TMEM65: variants seen among roughly 807,000 people sequenced by gnomAD.
The protein encoded by TMEM65 is transmembrane protein 65.
In TMEM65, 22 loss-of-function variants were observed where a neutral mutation model predicts 25.4. The ratio of observed to expected loss-of-function variants is 0.86; its 90% confidence interval spans 0.62 to 1.23. TMEM65 has a LOEUF of 1.23. Ranked by LOEUF, TMEM65 falls within the 50% of genes most tolerant of loss-of-function variation. The pLI, the probability that TMEM65 is intolerant of heterozygous loss-of-function variation, is 0.00. For synonymous variants in TMEM65, 132 were observed against 126.2 expected, an observed-to-expected ratio of 1.05 and a Z score of -0.31; for missense variants, 262 against 308.2, an observed-to-expected ratio of 0.85 and a Z score of 1.12.
chr8:124,372,064 A>C lies in TMEM65; in HGVS notation c.94T>G (p.Cys32Gly). The change falls in exon 1 of 7, where the codon TGC becomes GGC. Residue 32 changes from cysteine (C) to glycine (G), a missense_variant. Transcript: ENST00000297632. ...AAAAPRPPSW[C>G]CCGRGLLALA... ...GCCAGCAGCCCCCGCCCGCAGCAGC[A>C]CCAGGACGGCGGGCGGGGCGCGGCG... 10 of 1,165,338 alleles carry C rather than the reference A, an allele frequency of 8.6e-6. No individual in the cohort carries two copies. The highest frequency in any genetic ancestry group is 1.1e-5 in the Non-Finnish European group (10 of 947,040). 72.2% of individuals were successfully genotyped at this position (1,165,338 alleles called of 1,614,324 possible).
chr8:124,318,287 T>C (rs1417131774), intron 6 of TMEM65, among the ~76,000 whole-genome samples: 1 of 151,808 alleles, frequency 6.6e-6, no homozygotes, highest in Non-Finnish European at 1.5e-5. Context: ...GAGGACCCAT[T>C]TAAGCTATTC....
At position 124,313,791 on chromosome 8, in the gene TMEM65, G is replaced by C; in HGVS notation, c.*169C>G. On this transcript the variant is annotated 3_prime_UTR_variant, in exon 7 of 7. Transcript: ENST00000297632. ...TGATACTAAACAGCTTTTTAAAAAA[G>C]ATGTCCTAAGAAGATCAAGCCACAA... The C allele has an allele frequency of 1.8e-6, 1 of 553,198 alleles. No individual in the cohort carries two copies. The highest frequency in any genetic ancestry group is 3.2e-6 in the Non-Finnish European group (1 of 313,674). 34.3% of individuals were successfully genotyped at this position (553,198 alleles called of 1,614,324 possible). A position where few individuals can be genotyped will look rare whatever the true frequency, so the allele number is the denominator to read the frequency against.
At chr8:124,324,207 A>T (rs537283884) in intron 3 of TMEM65, among the ~76,000 whole-genome samples, 1 of 152,130 alleles carries the variant, frequency 6.6e-6, no homozygotes, top group Non-Finnish European at 1.5e-5. Flanking sequence ...AAAATGCTTC[A>T]AATCTCAATG....
chr8:124,322,854 G>A (rs898749162), intron 4 of TMEM65, among the ~76,000 whole-genome samples: 2 of 151,982 alleles, frequency 1.3e-5, no homozygotes, highest in South Asian at 2.1e-4. Flanking sequence ...AAATTAGCCA[G>A]GAATGATGGC....
chr8:124,365,711 G>A (rs1037031770), intron 1 of TMEM65, among the ~76,000 whole-genome samples: 1 of 152,124 alleles, frequency 6.6e-6, no homozygotes, highest in Non-Finnish European at 1.5e-5. Flanking sequence ...GGTCAATGAG[G>A]GAGCAGAGAT....
intron 2 of TMEM65, among the ~76,000 whole-genome samples, chr8:124,329,937 A>C (rs373718205): frequency 1.3e-5 from 2 of 151,958 alleles, no homozygotes; most frequent in East Asian, 3.8e-4. Flanking sequence ...GTATTTGAGG[A>C]AAGTTACTAA....
At chr8:124,332,053 A>G (rs528062547) in intron 1 of TMEM65, among the ~76,000 whole-genome samples, 3 of 152,224 alleles carry the variant, frequency 2.0e-5, no homozygotes, top group Admixed American at 6.5e-5. Context: ...TTCCTTTTTT[A>G]GAAGAATTAA....
At chr8:124,348,454 T>TAA (rs1814667103) in intron 1 of TMEM65, among the ~76,000 whole-genome samples, 1 of 152,128 alleles carries the variant, frequency 6.6e-6, no homozygotes, top group South Asian at 2.1e-4. Context: ...ATTCCTTTTT[T>TAA]AAAGGCTAAG....
At chr8:124,342,790 T>C (rs1814596469) in intron 1 of TMEM65, among the ~76,000 whole-genome samples, 1 of 152,146 alleles carries the variant, frequency 6.6e-6, no homozygotes, top group East Asian at 1.9e-4. Context: ...TTATAACTAA[T>C]GTTTGGTTTG....
intron 6 of TMEM65, among the ~76,000 whole-genome samples, chr8:124,319,407 C>T (rs1563589180): frequency 6.6e-6 from 1 of 152,158 alleles, no homozygotes; most frequent in Non-Finnish European, 1.5e-5. Flanking sequence ...CATTCACATA[C>T]AATAGCTTTC....
rs1414533926 is a variant in TMEM65, at chr8:124,330,776, T to C, written c.321A>G (p.Pro107=). The change falls in exon 2 of 7, where the codon CCA becomes CCG. Residue 107 remains proline (P), a synonymous_variant. Coordinates refer to ENST00000297632, the MANE Select transcript of TMEM65 (RefSeq NM_194291.3). ...IAIAQEKLEA[P]PPTPGQLRYV... is the part of the protein sequence containing the mutation. The stretch of plus-strand genomic sequence containing the variant: ...ATCTCAGCTGTCCTGGGGTGGGTGG[T>C]GGAGCTTCCAATTTTTCTAAAGGGG... 1 of 1,580,460 alleles carries C rather than the reference T, an allele frequency of 6.3e-7. No homozygotes were observed. The highest frequency in any genetic ancestry group is 8.6e-7 in the Non-Finnish European group (1 of 1,167,252).
intron 1 of TMEM65, 79 bp from the exon 2 acceptor site, chr8:124,330,871 A>T: frequency 7.5e-7 from 1 of 1,326,382 alleles, no homozygotes; most frequent in Non-Finnish European, 1.0e-6. Flanking sequence ...AGAAAATACC[A>T]GAAGATTTAC....
chr8:124,357,009 T>C (rs1383564107), intron 1 of TMEM65, among the ~76,000 whole-genome samples: 2 of 151,758 alleles, frequency 1.3e-5, no homozygotes, highest in Non-Finnish European at 2.9e-5. Context: ...TTCCTGGTCT[T>C]ATTCCCTCTT....
rs531958082 is a variant in TMEM65, at chr8:124,309,896, C to CA, written c.*4063dup. 4.8e-4 allele frequency: 73 copies of CA among 151,808 alleles called. No individual in the cohort carries two copies. Among genetic ancestry groups the CA allele is most frequent in the African/African-American group, 1.5e-3 (64 of 41,326 alleles). The allele number at this position is 151,808 out of a possible 1,614,324, so 9.4% of individuals were successfully genotyped here. ...TGAAACCCCGTTTCTACTAAAAATA[C>CA]AAAAAAATTAGGCTCGGTGGCACGT... On this transcript the variant is annotated 3_prime_UTR_variant, in exon 7 of 7. Transcript: ENST00000297632.
chr8:124,314,048 C>T lies in TMEM65; in HGVS notation c.635G>A (p.Gly212Glu), dbSNP rs1238251204. The stretch of plus-strand genomic sequence containing the variant: ...TCCTAGAATGCAGCCAATAGTCACC[C>T]CAACAGCTTTGCCCTAAGGAAACAA... ...RLSTHLGKAVGVTIGCILGMF... is the reference protein window; with the variant it reads ...RLSTHLGKAVEVTIGCILGMF... The change falls in exon 7 of 7, where the codon GGG (glycine) becomes GAG (glutamate). Residue 212 changes from glycine (G) to glutamate (E), a missense_variant. By Grantham distance (98) the Gly-to-Glu change is moderately conservative. Transcript: ENST00000297632. The T allele has an allele frequency of 1.2e-6, 2 of 1,613,272 alleles. No individual in the cohort carries two copies. The highest frequency in any genetic ancestry group is 1.7e-6 in the Non-Finnish European group (2 of 1,179,654).
chr8:124,318,978 TTTTA>T (rs756104008), intron 6 of TMEM65, among the ~76,000 whole-genome samples: 3 of 152,184 alleles, frequency 2.0e-5, no homozygotes, highest in Non-Finnish European at 4.4e-5. Flanking sequence ...TGCTAAATAT[TTTTA>T]TTTATCAGAT....
intron 1 of TMEM65, among the ~76,000 whole-genome samples, chr8:124,339,447 C>G (rs1024406545): frequency 8.6e-5 from 13 of 151,306 alleles, no homozygotes; most frequent in Non-Finnish European, 1.9e-4. Flanking sequence ...GCTCTCTGAA[C>G]CTTTTAAGGT....
chr8:124,329,784 C>T (rs1814409729), intron 2 of TMEM65, among the ~76,000 whole-genome samples: 1 of 151,820 alleles, frequency 6.6e-6, no homozygotes. Flanking sequence ...ATAACACAGC[C>T]ATACAAACAG....
intron 1 of TMEM65, among the ~76,000 whole-genome samples, chr8:124,368,384 A>G (rs901965236): frequency 1.3e-5 from 2 of 149,380 alleles, no homozygotes; most frequent in Non-Finnish European, 3.0e-5. Context: ...ACCACCTTAA[A>G]TAAGTGTGGA....
Sources: gnomAD v4.1 joint callset for allele counts (sites outside exome capture counted in the v4.1 genomes callset) on GRCh38, gnomAD v4.1.1 for gene constraint, MANE v1.5 for transcripts, NCBI Gene and HGNC (gene_info 2026-07-23, HGNC 2026-07-21) for gene names.